The following CENPE variants were observed in gnomAD, a reference collection of about 807,000 sequenced individuals.
CENPE encodes centromere-associated protein E.
A neutral mutation model predicts 336.1 loss-of-function variants in CENPE; 145 were observed. That is an observed-to-expected ratio of 0.43 (90% CI 0.38 to 0.50). CENPE has a LOEUF of 0.50. Among genes scored for constraint, CENPE ranks in the 20% least tolerant of loss-of-function variants. CENPE has a pLI of 0.00. For missense variants in CENPE, 2,719 were observed against 3,023.3 expected, an observed-to-expected ratio of 0.90 and a Z score of 2.36; for synonymous variants, 1,013 against 984.8, an observed-to-expected ratio of 1.03 and a Z score of -0.54.
intron 42 of CENPE, 64 bp from the exon 43 acceptor site, chr4:103,123,153 A>C: frequency 8.5e-7 from 1 of 1,181,740 alleles, no homozygotes; most frequent in Non-Finnish European, 1.2e-6. Flanking sequence ...ACTTACCTGC[A>C]ATTTTATTTT....
chr4:103,147,268 A>C, intron 29 of CENPE, 88 bp downstream of exon 29: 1 of 1,174,156 alleles, frequency 8.5e-7, no homozygotes, highest in Non-Finnish European at 1.2e-6. Context: ...TAACATAATT[A>C]TAATACAAAC....
chr4:103,144,998 C>T (rs1432616565), intron 32 of CENPE, 52 bp downstream of exon 32: 51 of 1,413,142 alleles, frequency 3.6e-5, no homozygotes, highest in Non-Finnish European at 4.5e-5. Context: ...GTCATTATCA[C>T]CTTAACACTA....
chr4:103,117,458 T>C (rs1279933157), intron 44 of CENPE, among the ~76,000 whole-genome samples: 1 of 152,042 alleles, frequency 6.6e-6, no homozygotes, highest in Admixed American at 6.6e-5. Flanking sequence ...TGCCTATTCA[T>C]CCCTCTCTTC....
At chr4:103,147,265 A>C in intron 29 of CENPE, 91 bp downstream of exon 29, 1 of 1,146,110 alleles carries the variant, frequency 8.7e-7, no homozygotes, top group Non-Finnish European at 1.2e-6. Flanking sequence ...TGGTAACATA[A>C]TTATAATACA....
At chr4:103,144,999 C>T in intron 32 of CENPE, 51 bp downstream of exon 32, 1 of 1,417,898 alleles carries the variant, frequency 7.1e-7, no homozygotes, top group African/African-American at 1.4e-5. Flanking sequence ...TCATTATCAC[C>T]TTAACACTAT....
In CENPE at chr4:103,108,870, T is replaced by A. The variant is rs1749132244; in HGVS notation, c.7944A>T (p.Arg2648=). The A allele has an allele frequency of 1.9e-6, 3 of 1,613,808 alleles. No homozygotes were observed. The highest frequency in any genetic ancestry group is 2.5e-6 in the Non-Finnish European group (3 of 1,179,860). Residue 2648 remains arginine, a synonymous_variant, in exon 48 of 49, where the codon CGA becomes CGT. Transcript: ENST00000265148. ...GATGAGGTGATGGTAAAGACTTTGA[T>A]CGGCTATCAAAAAAACAAGATTTTG... is the stretch of plus-strand genomic sequence containing the variant. ...ESPKSCFFDS[R]SKSLPSPHPV...
rs545723213 is a variant in CENPE at position 103,161,409 on chromosome 4, C to T, written c.1891G>A (p.Glu631Lys). Residue 631 changes from glutamate to lysine, a missense_variant, in exon 19 of 49, where the codon GAA becomes AAA. By Grantham distance (56) the Glu-to-Lys change is moderately conservative (BLOSUM62 1). This residue lies in a region of CENPE where 2,437 missense variants were observed against 2,513.3 expected (regional missense o/e 0.97). Transcript: ENST00000265148. Reference sequence around the variant, plus strand: ...CTCTTGGCATCAAGGGCTACAGTTTCAGCATCAAACAGAGTCTGCTTCATT... The same window carrying T: ...CTCTTGGCATCAAGGGCTACAGTTTTAGCATCAAACAGAGTCTGCTTCATT... ...KQMKQTLFDA[E>K]TVALDAKRES... 6.8e-6 allele frequency: 11 copies of T among 1,612,658 alleles called. No homozygotes were observed. In the South Asian group the frequency reaches 1.2e-4, roughly 18 times the overall value.
intron 42 of CENPE, among the ~76,000 whole-genome samples, chr4:103,131,652 T>C (rs1264216261): frequency 1.3e-5 from 2 of 152,190 alleles, no homozygotes; most frequent in Admixed American, 6.5e-5. Flanking sequence ...AAGATACATA[T>C]GTATGTTTAT....
At chr4:103,113,095 T>C (rs1414048473) in intron 46 of CENPE, among the ~76,000 whole-genome samples, 1 of 127,778 alleles carries the variant, frequency 7.8e-6, no homozygotes, top group Non-Finnish European at 1.6e-5. Flanking sequence ...TAAGTGTATA[T>C]ATAAGTGTAT....
intron 39 of CENPE, among the ~76,000 whole-genome samples, chr4:103,137,998 C>T (rs562558739): frequency 6.6e-6 from 1 of 152,260 alleles, no homozygotes; most frequent in African/African-American, 2.4e-5. Context: ...GCCCTCTTTT[C>T]GATATTCCTT....
At chr4:103,108,042 T>C (rs552998988) in intron 48 of CENPE, among the ~76,000 whole-genome samples, 11 of 152,264 alleles carry the variant, frequency 7.2e-5, no homozygotes, top group Admixed American at 5.9e-4. Flanking sequence ...CCACACCATA[T>C]TTCTTTCAAC....
Position 103,122,968 on chromosome 4 carries a change from A to G in CENPE, c.7046T>C (p.Leu2349Ser). 1 of 1,613,938 alleles carries G rather than the reference A, an allele frequency of 6.2e-7. No homozygotes were observed. Among genetic ancestry groups the G allele is most frequent in the Non-Finnish European group, 8.5e-7 (1 of 1,179,848 alleles). ...NEKLFKNYQT[L>S]KTSLASGAQV... ...GGCACCAGATGCCAAGGAAGTCTTC[A>G]ATGTTTGGTAGTTTTTAAATAGTTT... Residue 2349 changes from leucine to serine, a missense_variant, in exon 43 of 49, where the codon TTG (leucine) becomes TCG (serine). Physicochemically the swap from Leu to Ser is moderately radical, Grantham distance 145. This residue lies in a region of CENPE where 2,437 missense variants were observed against 2,513.3 expected (regional missense o/e 0.97). Coordinates refer to ENST00000265148, the MANE Select transcript of CENPE (RefSeq NM_001813.3).
intron 35 of CENPE, 91 bp downstream of exon 35, chr4:103,141,659 T>C (rs1260051503): frequency 2.3e-6 from 2 of 854,972 alleles, no homozygotes; most frequent in Non-Finnish European, 3.6e-6. Context: ...GCCAAGGTGT[T>C]TTCCAGTGTG....
At chr4:103,131,580 GA>G (rs1751592412) in intron 42 of CENPE, among the ~76,000 whole-genome samples, 1 of 152,162 alleles carries the variant, frequency 6.6e-6, no homozygotes, top group African/African-American at 2.4e-5. Context: ...TTTACTGTAT[GA>G]TCCAGAAATT....
chr4:103,110,676 T>A (rs1318807333), intron 47 of CENPE, 152 bp downstream of exon 47: 2 of 488,756 alleles, frequency 4.1e-6, no homozygotes, highest in Non-Finnish European at 7.0e-6. Context: ...TCTCATTTTT[T>A]AAAAAAGATA....
intron 24 of CENPE, among the ~76,000 whole-genome samples, chr4:103,156,584 A>G (rs1578625767): frequency 1.3e-5 from 2 of 152,242 alleles, no homozygotes; most frequent in Admixed American, 1.3e-4. Context: ...TAAATGCAAA[A>G]TGGATTACAG....
At chr4:103,146,247 T>C in intron 29 of CENPE, 140 bp from the exon 30 acceptor site, 1 of 744,438 alleles carries the variant, frequency 1.3e-6, no homozygotes, top group South Asian at 2.1e-5. Flanking sequence ...TCTCCCACTC[T>C]TCCATTATTC....
intron 24 of CENPE, among the ~76,000 whole-genome samples, chr4:103,155,773 G>A (rs1753913848): frequency 4.6e-5 from 7 of 152,138 alleles, no homozygotes; most frequent in Admixed American, 3.9e-4. Flanking sequence ...TTTTGCCCCG[G>A]AGTAAATGGG....
chr4:103,153,806 T>C (rs1753752390), intron 24 of CENPE, among the ~76,000 whole-genome samples: 1 of 152,154 alleles, frequency 6.6e-6, no homozygotes, highest in African/African-American at 2.4e-5. Flanking sequence ...ATTCCCTGTC[T>C]CCCACTCCCT....
Sources: allele counts gnomAD v4.1 joint callset (sites outside exome capture counted in the v4.1 genomes callset), GRCh38; gene constraint gnomAD v4.1.1; regional missense constraint gnomAD v4.1.1; transcripts MANE v1.5; gene names NCBI Gene and HGNC (gene_info 2026-07-23, HGNC 2026-07-21).